Variants in PPFIA2 observed in about 807,000 individuals in gnomAD.
PPFIA2 encodes liprin-alpha-2.
A neutral mutation model predicts 175.5 loss-of-function variants in PPFIA2; 46 were observed. The ratio of observed to expected loss-of-function variants is 0.26; its 90% CI spans 0.21 to 0.34. The LOEUF (loss-of-function observed/expected upper bound fraction) is 0.34. Ranked by LOEUF, PPFIA2 falls within the 10% of genes least tolerant of loss-of-function variation. The pLI, the probability that PPFIA2 is intolerant of heterozygous loss-of-function variation, is 1.00. For missense variants in PPFIA2, 1,179 were observed against 1,506.1 expected (o/e 0.78, Z 3.60); for synonymous variants, 568 against 511.4 (o/e 1.11, Z -1.49).
At chr12:81,739,735 G>A (rs138349120) in intron 3 of PPFIA2, among the ~76,000 whole-genome samples, 16 of 152,016 alleles carry the variant, frequency 1.1e-4, no homozygotes, top group African/African-American at 3.4e-4. Flanking sequence ...AAAATCATAG[G>A]TAAGAATAAT....
At chr12:81,380,132 G>A (rs2037306518) in intron 9 of PPFIA2, among the ~76,000 whole-genome samples, 1 of 152,154 alleles carries the variant, frequency 6.6e-6, no homozygotes. Flanking sequence ...CTGGGAGGAT[G>A]AGGTGGGAGG....
intron 11 of PPFIA2, among the ~76,000 whole-genome samples, chr12:81,370,946 A>G (rs2141540126): frequency 6.6e-6 from 1 of 152,024 alleles, no homozygotes; most frequent in African/African-American, 2.4e-5. Flanking sequence ...CTATATATAA[A>G]TATGTCATGC....
chr12:81,497,114 G>A (rs996339577), intron 4 of PPFIA2, among the ~76,000 whole-genome samples: 1 of 152,126 alleles, frequency 6.6e-6, no homozygotes. Flanking sequence ...GGTTCTTCAT[G>A]CATATGAGCT....
chr12:81,474,519 T>A (rs1277640398), intron 4 of PPFIA2, among the ~76,000 whole-genome samples: 1 of 152,160 alleles, frequency 6.6e-6, no homozygotes. Flanking sequence ...CTTGAACCCC[T>A]GACCTCAAGT....
At position 81,635,920 on chromosome 12, in the gene PPFIA2, T is replaced by A. The variant is rs529756553; in HGVS notation, c.303+40871A>T. On this transcript the variant is annotated intron_variant, in intron 4 of 32. Coordinates refer to ENST00000549396, the MANE Select transcript of PPFIA2 (RefSeq NM_003625.5). ...TTTGGGAAAATGCAATCTCTCTCTC[T>A]CACACACACACACACACACACACAC... Among the ~76,000 whole-genome samples, 781 of 150,808 alleles carry A rather than the reference T, an allele frequency of 5.2e-3. 7 individuals are homozygous for A. The highest frequency in any genetic ancestry group is 0.016 in the African/African-American group (660 of 41,024).
chr12:81,702,166 C>A (rs2076568013), intron 3 of PPFIA2, among the ~76,000 whole-genome samples: 1 of 151,304 alleles, frequency 6.6e-6, no homozygotes, highest in Non-Finnish European at 1.5e-5. Flanking sequence ...CTACCCCCAC[C>A]ATCAATGACA....
At chr12:81,388,984 G>C (rs2039560813) in intron 8 of PPFIA2, among the ~76,000 whole-genome samples, 1 of 151,374 alleles carries the variant, frequency 6.6e-6, no homozygotes, top group African/African-American at 2.4e-5. Context: ...CACACCCCAA[G>C]CCCCAGACAA....
intron 28 of PPFIA2, among the ~76,000 whole-genome samples, chr12:81,274,858 G>C (rs964972463): frequency 2.4e-4 from 36 of 152,280 alleles, no homozygotes; most frequent in African/African-American, 8.2e-4. Context: ...ATCAGATAGA[G>C]TTGTGTGTGA....
intron 9 of PPFIA2, among the ~76,000 whole-genome samples, chr12:81,382,146 T>C (rs1471045351): frequency 6.6e-6 from 1 of 152,080 alleles, no homozygotes; most frequent in African/African-American, 2.4e-5. Context: ...TCAGGGGACA[T>C]TTCACTGAGA....
intron 7 of PPFIA2, among the ~76,000 whole-genome samples, chr12:81,437,843 CT>C (rs1385598567): frequency 6.8e-4 from 104 of 152,094 alleles, no homozygotes; most frequent in Non-Finnish European, 1.0e-4. Context: ...AACCCCATCT[CT>C]TTCAAAGACT....
rs145910899 is a variant in PPFIA2 at position 81,307,677 on chromosome 12, T to A, written c.2643-8295A>T. Among the ~76,000 whole-genome samples the A allele has an allele frequency of 3.7e-4, 56 of 152,276 alleles. 1 individual carries two copies. The East Asian group carries it at 0.01, about 27-fold the overall frequency. ...GTAACTTGTCCCTTCCAACCTCCAC[T>A]GAGACCTTCCTAAACACAAATCTTT... On this transcript the variant is annotated intron_variant, in intron 22 of 32. Transcript: ENST00000549396.
intron 3 of PPFIA2, among the ~76,000 whole-genome samples, chr12:81,739,592 G>A (rs1334266848): frequency 2.0e-5 from 3 of 151,754 alleles, no homozygotes; most frequent in Non-Finnish European, 2.9e-5. Context: ...AAAAAACTTG[G>A]TCAATTAATC....
intron 24 of PPFIA2, among the ~76,000 whole-genome samples, chr12:81,284,738 A>G (rs537936824): frequency 6.6e-6 from 1 of 152,242 alleles, no homozygotes; most frequent in East Asian, 1.9e-4. Context: ...TTTCCTTCAC[A>G]TAATTTTGAT....
rs760959054 is a variant in PPFIA2 at position 81,751,411 on chromosome 12, GT to G, written c.249+2561del. Among the ~76,000 whole-genome samples, 59 of 115,130 alleles carry G rather than the reference GT, an allele frequency of 5.1e-4. 1 individual carries two copies. Among genetic ancestry groups the G allele is most frequent in the Non-Finnish European group, 8.6e-4 (45 of 52,134 alleles). The allele number at this position is 115,130 out of a possible 152,430, so 75.5% of individuals were successfully genotyped here. ...TATACTTATCATGAGACTATTTACA[GT>G]CTTTTTTTTTTTTTACCATGCAGTA... On this transcript the variant is annotated intron_variant, in intron 3 of 32. Coordinates refer to ENST00000549396, the MANE Select transcript of PPFIA2 (RefSeq NM_003625.5).
intron 4 of PPFIA2, among the ~76,000 whole-genome samples, chr12:81,661,415 C>G (rs2068845329): frequency 6.6e-6 from 1 of 152,126 alleles, no homozygotes; most frequent in Non-Finnish European, 1.5e-5. Flanking sequence ...TCTGGTAAAA[C>G]AGACTTTAAA....
rs5799531 is a variant in PPFIA2 at position 81,493,754 on chromosome 12, C to CTATATATATA, written c.304-35898_304-35889dup. Reference sequence around the variant, plus strand: ...TTTGTGTGTGTGTGTGTGTGTGTGTCTATATATATATATATATATATATAT... The same window carrying CTATATATATA: ...TTTGTGTGTGTGTGTGTGTGTGTGTCTATATATATATATATATATATATATATATATATAT... On this transcript the variant is annotated intron_variant, in intron 4 of 32. Coordinates refer to ENST00000549396, the MANE Select transcript of PPFIA2 (RefSeq NM_003625.5). 5.8e-3 allele frequency among the ~76,000 whole-genome samples: 591 copies of CTATATATATA among 101,998 alleles called. 14 individuals carry two copies. The highest frequency in any genetic ancestry group is 0.021 in the African/African-American group (501 of 24,184). 66.9% of individuals were successfully genotyped at this position (101,998 alleles called of 152,430 possible).
chr12:81,441,480 T>A (rs1195236289), intron 6 of PPFIA2, among the ~76,000 whole-genome samples: 1 of 152,094 alleles, frequency 6.6e-6, no homozygotes, highest in Non-Finnish European at 1.5e-5. Flanking sequence ...TCTTTCATCA[T>A]ATTGAGCTAG....
At chr12:81,417,456 G>A (rs1592672374) in intron 7 of PPFIA2, 1 of 149,840 alleles carries the variant, frequency 6.7e-6, no homozygotes, top group East Asian at 1.9e-4. Context: ...AGAGTTTTAG[G>A]GAAAAGCGTT....
chr12:81,630,905 T>G (rs1023128802), intron 4 of PPFIA2, among the ~76,000 whole-genome samples: 1 of 149,658 alleles, frequency 6.7e-6, no homozygotes, highest in African/African-American at 2.5e-5. Flanking sequence ...ATATATTTTT[T>G]TTTTTTTTCC....
Sources: allele counts gnomAD v4.1 joint callset (sites outside exome capture counted in the v4.1 genomes callset), GRCh38; gene constraint gnomAD v4.1.1; transcripts MANE v1.5; gene names NCBI Gene and HGNC (gene_info 2026-07-23, HGNC 2026-07-21).